Variants in MAP7D1 observed in about 807,000 individuals in gnomAD.
MAP7D1 encodes MAP7 domain-containing protein 1.
Under a neutral mutation model 97.5 loss-of-function variants are expected in MAP7D1, and 30 were observed. The ratio of observed to expected loss-of-function variants is 0.31; its 90% confidence interval spans 0.23 to 0.42. The LOEUF is 0.42. Among genes scored for constraint, MAP7D1 ranks in the 10% least tolerant of loss-of-function variants. MAP7D1 has a pLI of 1.00. For synonymous variants in MAP7D1, 536 were observed against 477.1 expected (o/e 1.12, Z -1.61); for missense variants, 1,184 against 1,179.5 (o/e 1.00, Z -0.06).
At position 36,172,509 on chromosome 1, in the gene MAP7D1, C is replaced by T. The variant is rs764381423; in HGVS notation, c.506C>T (p.Ala169Val). 1.1e-5 allele frequency: 17 copies of T among 1,601,696 alleles called. No homozygotes were observed. The highest frequency in any genetic ancestry group is 1.0e-4 in the South Asian group (9 of 90,398). ...VWLEKEEKAK[A>V]LREKQLQERR... The stretch of plus-strand genomic sequence containing the variant: ...CTGGAGAAGGAGGAGAAGGCCAAGG[C>T]GCTGCGGGAGAAGCAGCTCCAGGAG... Residue 169 changes from alanine (A) to valine (V), a missense_variant, in exon 4 of 17, where the codon GCG becomes GTG. Transcript: ENST00000474796.
intron 1 of MAP7D1, among the ~76,000 whole-genome samples, chr1:36,162,218 C>G (rs1644422595): frequency 6.6e-6 from 1 of 152,214 alleles, no homozygotes; most frequent in African/African-American, 2.4e-5. Flanking sequence ...CAGGCACTCC[C>G]TCTCGCTGCC....
chr1:36,172,427 AC>A (rs1350406236), intron 3 of MAP7D1, 36 bp from the exon 4 acceptor site: 6 of 1,476,564 alleles, frequency 4.1e-6, no homozygotes, highest in Non-Finnish European at 5.4e-6. Flanking sequence ...CTTCTGCAGA[AC>A]CCTTCACACA....
intron 8 of MAP7D1, chr1:36,177,464 G>A (rs1204185240): frequency 6.7e-6 from 3 of 447,994 alleles, no homozygotes; most frequent in Non-Finnish European, 1.3e-5. Context: ...AGGCTGTAGT[G>A]AGCTATGTAT....
At chr1:36,179,105 A>G (rs1220076258) in intron 12 of MAP7D1, 80 bp downstream of exon 12, 5 of 1,512,712 alleles carry the variant, frequency 3.3e-6, no homozygotes, top group Non-Finnish European at 2.7e-6. Context: ...CTTAGAGCGG[A>G]CAGGACGGGA....
chr1:36,158,183 C>T (rs919871779), intron 1 of MAP7D1, among the ~76,000 whole-genome samples: 4 of 151,796 alleles, frequency 2.6e-5, no homozygotes, highest in African/African-American at 7.3e-5. Flanking sequence ...CGTCAGGGGC[C>T]GGTGGGCAGA....
chr1:36,178,163 C>A lies in MAP7D1; in HGVS notation c.1670C>A (p.Pro557Gln), dbSNP rs866139522. 3 of 1,579,188 alleles carry A rather than the reference C, an allele frequency of 1.9e-6. No individual in the cohort carries two copies. The East Asian group carries it at 6.9e-5, about 36-fold the overall frequency. ...CCGGCGCCCTCGCCCACCCCAGCCC[C>A]GCCCCAGAAGGAGCAGCCCCCCGCG... ...PSPAPSPTPA[P>Q]PQKEQPPAET... Residue 557 changes from proline (P) to glutamine (Q), a missense_variant, in exon 9 of 17, where the codon CCG becomes CAG. Transcript: ENST00000474796.
At chr1:36,156,640 G>A (rs1644334177) in intron 1 of MAP7D1, among the ~76,000 whole-genome samples, 177 bp downstream of exon 1, 1 of 152,094 alleles carries the variant, frequency 6.6e-6, no homozygotes, top group African/African-American at 2.4e-5. Context: ...TGCATCCTCT[G>A]ACAGCTGCCC....
chr1:36,178,785 C>A lies in MAP7D1; in HGVS notation c.1987C>A (p.Gln663Lys). 1 of 1,547,438 alleles carries A rather than the reference C, an allele frequency of 6.5e-7. No individual in the cohort carries two copies. Among genetic ancestry groups the A allele is most frequent in the Non-Finnish European group, 8.7e-7 (1 of 1,145,802 alleles). ...REEQEAREKA[Q>K]AEQEEQERLQ... ...GGAGCAGGAGGCACGAGAGAAGGCG[C>A]AGGCCGAGCAGGAGGAGCAGGAGCG... The change falls in exon 11 of 17, where the codon CAG (glutamine) becomes AAG (lysine). Residue 663 changes from glutamine to lysine, a missense_variant. Physicochemically the swap from Gln to Lys is moderately conservative, Grantham distance 53 (BLOSUM62 1). Coordinates refer to ENST00000474796, the MANE Select transcript of MAP7D1 (RefSeq NM_001388490.1).
chr1:36,162,111 C>T (rs1557771669), intron 1 of MAP7D1, among the ~76,000 whole-genome samples: 1 of 152,152 alleles, frequency 6.6e-6, no homozygotes, highest in South Asian at 2.1e-4. Context: ...GTGCTGATCT[C>T]TGTTCTGTCT....
At position 36,176,539 on chromosome 1, in the gene MAP7D1, G is replaced by T; in HGVS notation, c.1191G>T (p.Gly397=). The change falls in exon 7 of 17, where the codon GGG becomes GGT. Residue 397 remains glycine, a synonymous_variant. Transcript: ENST00000474796. The surrounding 1 kb of genome is among the most constrained non-coding windows in gnomAD (Gnocchi z 6.1). ...GGGAGCGCCGCAAGCCCAACGCCGG[G>T]GGCAGCCCCGCTCCGGTGCGCCGCC... ...ERGERRKPNA[G]GSPAPVRRRP... 2 of 1,419,260 alleles carry T rather than the reference G, an allele frequency of 1.4e-6. No individual in the cohort carries two copies. The highest frequency in any genetic ancestry group is 1.8e-6 in the Non-Finnish European group (2 of 1,087,300). 87.9% of individuals were successfully genotyped at this position (1,419,260 alleles called of 1,614,324 possible).
At chr1:36,171,358 A>T in intron 2 of MAP7D1, 43 bp downstream of exon 2, 1 of 1,541,888 alleles carries the variant, frequency 6.5e-7, no homozygotes, top group South Asian at 1.2e-5. Context: ...CTCTTGGCTC[A>T]GGGTCCTGGC....
In MAP7D1 at chr1:36,180,457, T is replaced by C; in HGVS notation, c.*199T>C. 3 of 685,556 alleles carry C rather than the reference T, an allele frequency of 4.4e-6. No homozygotes were observed. The highest frequency in any genetic ancestry group is 7.7e-6 in the Non-Finnish European group (3 of 390,960). 42.5% of individuals were successfully genotyped at this position (685,556 alleles called of 1,614,324 possible). A position where few individuals can be genotyped will look rare whatever the true frequency, so the allele number is the denominator to read the frequency against. On this transcript the variant is annotated 3_prime_UTR_variant, in exon 17 of 17. Coordinates refer to ENST00000474796, the MANE Select transcript of MAP7D1 (RefSeq NM_001388490.1). ...CCAGATCTGCCCCTCAGTGCATTCGTGTGCTCGCACGCGCAGACATCCCTT... is the reference window on the plus strand; with the variant it reads ...CCAGATCTGCCCCTCAGTGCATTCGCGTGCTCGCACGCGCAGACATCCCTT...
chr1:36,156,384 C>G lies in MAP7D1; in HGVS notation c.-34C>G. ...CCACTGGCCGCCGCCGCCGCCGCCG[C>G]TGAGACCCCGAGACCCCCAGTGACG... On this transcript the variant is annotated 5_prime_UTR_variant, in exon 1 of 17. Coordinates refer to ENST00000474796, the MANE Select transcript of MAP7D1 (RefSeq NM_001388490.1). 6.7e-7 allele frequency: 1 copy of G among 1,483,062 alleles called. No individual in the cohort carries two copies. Among genetic ancestry groups the G allele is most frequent in the Non-Finnish European group, 8.9e-7 (1 of 1,123,846 alleles). The allele number at this position is 1,483,062 out of a possible 1,614,324, so 91.9% of individuals were successfully genotyped here.
rs372899934 is a variant in MAP7D1, at chr1:36,176,761, G to A, written c.1298G>A (p.Arg433Gln). ...GAGAAGGAGAAGAGTGCCCTAGCCC[G>A]GGAGCGCAGCCTCAAGAAGCGCCAG... ...ENEKEKSALA[R>Q]ERSLKKRQSL... The change falls in exon 8 of 17, where the codon CGG becomes CAG. Residue 433 changes from arginine to glutamine, a missense_variant. Arg to Gln is a conservative substitution (Grantham distance 43). Coordinates refer to ENST00000474796, the MANE Select transcript of MAP7D1 (RefSeq NM_001388490.1). This position sits in a 1 kb window ranked among gnomAD's most constrained non-coding sequence, Gnocchi z 6.1. 4.0e-5 allele frequency: 64 copies of A among 1,603,452 alleles called. No individual in the cohort carries two copies. The highest frequency in any genetic ancestry group is 5.3e-5 in the Non-Finnish European group (62 of 1,175,862).
In MAP7D1 at chr1:36,179,875, C is replaced by CT; in HGVS notation, c.2321dup (p.Ser776LysfsTer112). ...GAGCCTTGGCCTCTGCATCCACAGT[C>CT]TCCCAAGCAAGGAGTTGCCAGCGTC... On this transcript the variant is annotated frameshift_variant and splice_region_variant, in exon 16 of 17. Coordinates refer to ENST00000474796, the MANE Select transcript of MAP7D1 (RefSeq NM_001388490.1). LOFTEE classifies it high-confidence loss of function. 1 of 1,611,236 alleles carries CT rather than the reference C, an allele frequency of 6.2e-7. No individual in the cohort carries two copies. Among genetic ancestry groups the CT allele is most frequent in the Non-Finnish European group, 8.5e-7 (1 of 1,178,234 alleles).
chr1:36,169,031 C>A (rs1242104012), intron 1 of MAP7D1, among the ~76,000 whole-genome samples: 3 of 151,934 alleles, frequency 2.0e-5, no homozygotes, highest in Admixed American at 2.0e-4. Context: ...ACGGGCAGAC[C>A]ACCTGAAGTC....
Position 36,180,058 on chromosome 1 carries a change from C to G in MAP7D1, c.2503C>G (p.Gln835Glu). 6.2e-7 allele frequency: 1 copy of G among 1,613,756 alleles called. No homozygotes were observed. Among genetic ancestry groups the G allele is most frequent in the South Asian group, 1.1e-5 (1 of 91,066 alleles). Residue 835 changes from glutamine to glutamate, a missense_variant, in exon 16 of 17, where the codon CAG becomes GAG. Physicochemically the swap from Gln to Glu is conservative, Grantham distance 29. Coordinates refer to ENST00000474796, the MANE Select transcript of MAP7D1 (RefSeq NM_001388490.1). ...FLKKAVVQSP[Q>E]VTEVL The stretch of plus-strand genomic sequence containing the variant: ...CAAGAAAGCTGTGGTGCAGTCCCCG[C>G]AGGTCACAGGTAGATCTCCTGATTC...
chr1:36,160,183 G>A, intron 1 of MAP7D1, among the ~76,000 whole-genome samples: 1 of 152,232 alleles, frequency 6.6e-6, no homozygotes, highest in Admixed American at 6.5e-5. Flanking sequence ...TAGTGAGGGA[G>A]CCAACTAGCC....
chr1:36,176,430 GC>G lies in MAP7D1; in HGVS notation c.1085del (p.Pro362ArgfsTer9). The G allele has an allele frequency of 6.6e-7, 1 of 1,523,846 alleles. No homozygotes were observed. The highest frequency in any genetic ancestry group is 2.3e-4 in the Middle Eastern group (1 of 4,274). 94.4% of individuals were successfully genotyped at this position (1,523,846 alleles called of 1,614,324 possible). On this transcript the variant is annotated frameshift_variant, in exon 7 of 17. Transcript: ENST00000474796. LOFTEE classifies it high-confidence loss of function. This position sits in a 1 kb window ranked among gnomAD's most constrained non-coding sequence, Gnocchi z 6.1. The stretch of plus-strand genomic sequence containing the variant: ...CATCCCTCTGCAGCCGTGCCGGTGT[GC>G]CCGCGCTCGGCCTCCGCCAGCCCCC... ...RTHPSAAVPV[C>X]PRSASASPLT...
Sources: gnomAD v4.1 joint callset for allele counts (sites outside exome capture counted in the v4.1 genomes callset) on GRCh38, gnomAD v4.1.1 for gene constraint, Gnocchi (gnomAD v3.1) non-coding constraint, MANE v1.5 for transcripts, NCBI Gene and HGNC (gene_info 2026-07-23, HGNC 2026-07-21) for gene names.